The following LRRC9 variants were observed in gnomAD, a reference collection of about 807,000 sequenced individuals.
LRRC9 encodes the protein leucine rich repeat containing 9.
LRRC9 carries 122 observed loss-of-function variants against 63.2 expected under a neutral mutation model. That is an observed-to-expected ratio of 1.93 (90% CI 1.67 to 2.24). LRRC9 has a LOEUF of 2.24. Ranked by LOEUF, LRRC9 falls within the 30% of genes most tolerant of loss-of-function variation. LRRC9 has a pLI of 0.00. For missense variants in LRRC9, 1,071 were observed against 627.7 expected, an observed-to-expected ratio of 1.71 and a Z score of -7.55; for synonymous variants, 366 against 213.1, an observed-to-expected ratio of 1.72 and a Z score of -6.25.
chr14:60,001,050 T>C (rs764691912), intron 19 of LRRC9, among the ~76,000 whole-genome samples: 9 of 152,094 alleles, frequency 5.9e-5, no homozygotes, highest in Non-Finnish European at 8.8e-5. Context: ...TTTTTGCCAG[T>C]TTTATAGATG....
intron 29 of LRRC9, among the ~76,000 whole-genome samples, chr14:60,050,169 G>T (rs934675356): frequency 1.3e-5 from 2 of 151,910 alleles, no homozygotes; most frequent in Non-Finnish European, 2.9e-5. Flanking sequence ...GCTAATTTTT[G>T]TATTTTTAGT....
chr14:60,047,830 C>A (rs1031845423), intron 29 of LRRC9, among the ~76,000 whole-genome samples: 1 of 152,152 alleles, frequency 6.6e-6, no homozygotes, highest in Non-Finnish European at 1.5e-5. Flanking sequence ...TACCCCCCAG[C>A]AACAAAATAT....
rs1889665548 is a variant in LRRC9 at position 60,004,663 on chromosome 14, ATAC to A, written c.2842+871_2842+873del. Among the ~76,000 whole-genome samples, 3 of 152,094 alleles carry A rather than the reference ATAC, an allele frequency of 2.0e-5. No individual in the cohort carries two copies. Among genetic ancestry groups the A allele is most frequent in the Admixed American group, 2.0e-4 (3 of 15,254 alleles). On this transcript the variant is annotated intron_variant, in intron 21 of 31. Transcript: ENST00000445360. The surrounding 1 kb of genome is among the most constrained non-coding windows in gnomAD (Gnocchi z 4.8). ...GTTTAGAGAACATGTCCTAGAATAT[ATAC>A]TACTAAGTCAAGTATTTTCTGACTC...
chr14:59,994,660 AC>A (rs2140168705), intron 17 of LRRC9, among the ~76,000 whole-genome samples: 1 of 152,312 alleles, frequency 6.6e-6, no homozygotes, highest in East Asian at 1.9e-4. Context: ...GCAAATATAC[AC>A]CATGGAATAC....
At chr14:59,997,419 T>A (rs145818428) in intron 17 of LRRC9, among the ~76,000 whole-genome samples, 101 of 152,186 alleles carry the variant, frequency 6.6e-4, no homozygotes, top group Non-Finnish European at 1.3e-3. Context: ...AAACAGACAT[T>A]GCCACTCGGT....
At position 59,942,425 on chromosome 14, in the gene LRRC9, T is replaced by C. The variant is rs1211026154; in HGVS notation, c.727-2164T>C. On this transcript the variant is annotated intron_variant, in intron 7 of 31. Coordinates refer to ENST00000445360, the Ensembl canonical transcript of LRRC9. This position sits in a 1 kb window ranked among gnomAD's most constrained non-coding sequence, Gnocchi z 5.3. The stretch of plus-strand genomic sequence containing the variant: ...ATTTTTTGAGAAAACGCCATCCTGT[T>C]TTTCATAGTGGCTGTACTAATTTAC... Among the ~76,000 whole-genome samples, 1 of 152,198 alleles carries C rather than the reference T, an allele frequency of 6.6e-6. No homozygotes were observed. The highest frequency in any genetic ancestry group is 3.2e-3 in the Middle Eastern group (1 of 316).
At chr14:59,970,788 TG>T (rs964365405) in intron 12 of LRRC9, among the ~76,000 whole-genome samples, 1 of 152,174 alleles carries the variant, frequency 6.6e-6, no homozygotes, top group African/African-American at 2.4e-5. Flanking sequence ...GATTTTTTTT[TG>T]TAAATGTGTT....
At position 59,966,936 on chromosome 14, in the gene LRRC9, G is replaced by T. The variant is rs1251416602; in HGVS notation, c.1389-160G>T. Among the ~76,000 whole-genome samples, 1 of 152,108 alleles carries T rather than the reference G, an allele frequency of 6.6e-6. No individual in the cohort carries two copies. Among genetic ancestry groups the T allele is most frequent in the East Asian group, 1.9e-4 (1 of 5,202 alleles). ...TGACCTCATAATTTATCCACATTGA[G>T]CCTGTTTTTGAGGTTGAAGGCAGGG... On this transcript the variant is annotated intron_variant, in intron 11 of 31. Coordinates refer to ENST00000445360, the Ensembl canonical transcript of LRRC9. This position sits in a 1 kb window ranked among gnomAD's most constrained non-coding sequence, Gnocchi z 4.0.
rs1890112666 is a variant in LRRC9, at chr14:59,936,065, G to A, written c.544-2325G>A. On this transcript the variant is annotated intron_variant, in intron 6 of 31. Transcript: ENST00000445360. The surrounding 1 kb of genome is among the most constrained non-coding windows in gnomAD (Gnocchi z 4.2). ...GAGGCAGCATAATACGGTGGAACAT[G>A]AAGTTTTGGTGAAATAACAATGTAA... Among the ~76,000 whole-genome samples, 1 of 152,156 alleles carries A rather than the reference G, an allele frequency of 6.6e-6. No homozygotes were observed. Among genetic ancestry groups the A allele is most frequent in the Admixed American group, 6.5e-5 (1 of 15,272 alleles).
chr14:60,063,055 C>T (rs1016197198), intron 31 of LRRC9, among the ~76,000 whole-genome samples: 1 of 152,032 alleles, frequency 6.6e-6, no homozygotes, highest in Non-Finnish European at 1.5e-5. Context: ...CCACCATGCC[C>T]GGCCAATTTT....
chr14:60,006,158 TAAG>T (rs373669240), intron 21 of LRRC9, among the ~76,000 whole-genome samples: 12 of 152,122 alleles, frequency 7.9e-5, no homozygotes, highest in African/African-American at 2.9e-4. Context: ...CCTTAACTCC[TAAG>T]AAGAAGGAAT....
At chr14:60,047,371 G>A (rs1893522588) in intron 29 of LRRC9, among the ~76,000 whole-genome samples, 1 of 151,962 alleles carries the variant, frequency 6.6e-6, no homozygotes, top group South Asian at 2.1e-4. Flanking sequence ...CAAGGGAAAT[G>A]CTTGAAAGAC....
In LRRC9 at chr14:59,962,591, C is replaced by T. The variant is rs1054967452; in HGVS notation, c.1211+1546C>T. On this transcript the variant is annotated intron_variant, in intron 10 of 31. Coordinates refer to ENST00000445360, the Ensembl canonical transcript of LRRC9. The surrounding 1 kb of genome is among the most constrained non-coding windows in gnomAD (Gnocchi z 5.1). The stretch of plus-strand genomic sequence containing the variant: ...CTAATTTTTGTATTTTTAGTGGAGA[C>T]GGGGTTTTGCCATGTTGGCCAGGCT... Among the ~76,000 whole-genome samples, 27 of 151,912 alleles carry T rather than the reference C, an allele frequency of 1.8e-4. No homozygotes were observed. The highest frequency in any genetic ancestry group is 1.2e-3 in the Admixed American group (18 of 15,248).
In LRRC9 at chr14:59,964,998, G is replaced by A. The variant is rs2139991356; in HGVS notation, c.1212-1591G>A. ...AGGCTCAAGGAGAGACTACCCATCA[G>A]GAAGCTCACCTCTGTGACCTTAGCT... On this transcript the variant is annotated intron_variant, in intron 10 of 31. Transcript: ENST00000445360. The surrounding 1 kb of genome is among the most constrained non-coding windows in gnomAD (Gnocchi z 4.4). 6.6e-6 allele frequency among the ~76,000 whole-genome samples: 1 copy of A among 152,280 alleles called. No homozygotes were observed. Among genetic ancestry groups the A allele is most frequent in the East Asian group, 1.9e-4 (1 of 5,174 alleles).
chr14:60,038,083 T>C (rs1387848727), intron 29 of LRRC9, among the ~76,000 whole-genome samples: 1 of 152,136 alleles, frequency 6.6e-6, no homozygotes, highest in Non-Finnish European at 1.5e-5. Flanking sequence ...TGTAGATGTG[T>C]GGTATTGTTT....
chr14:59,944,842 T>C lies in LRRC9; in HGVS notation c.882+98T>C, dbSNP rs536537677. 316 of 516,286 alleles carry C rather than the reference T, an allele frequency of 6.1e-4. 1 individual carries two copies. Among genetic ancestry groups the C allele is most frequent in the South Asian group, 5.6e-3 (184 of 32,594 alleles). 32.0% of individuals were successfully genotyped at this position (516,286 alleles called of 1,614,324 possible). On this transcript the variant is annotated intron_variant, in intron 8 of 31. Transcript: ENST00000445360. ...CTTTTAAATTATGTATATACACACATATATAATACACACACACACACACTC... is the reference window on the plus strand; with the variant it reads ...CTTTTAAATTATGTATATACACACACATATAATACACACACACACACACTC...
chr14:60,021,464 T>G (rs1891111774), intron 26 of LRRC9, among the ~76,000 whole-genome samples: 1 of 151,920 alleles, frequency 6.6e-6, no homozygotes, highest in Admixed American at 6.6e-5. Flanking sequence ...TCTTAAATGA[T>G]GTCTTTGAAG....
rs75539986 is a variant in LRRC9, at chr14:60,028,424, G to A, written c.3921+323G>A. ...TTGGTCCAAGTTGTTTCTGAATCTC[G>A]ATTCCGGACTTCCTTTGGCCCCTTA... On this transcript the variant is annotated intron_variant, in intron 28 of 31. Transcript: ENST00000445360. 3.4e-3 allele frequency among the ~76,000 whole-genome samples: 521 copies of A among 152,088 alleles called. 18 individuals are homozygous for A. The East Asian group carries it at 0.058, about 17-fold the overall frequency.
intron 10 of LRRC9, among the ~76,000 whole-genome samples, chr14:59,965,339 T>G (rs569109317): frequency 6.6e-6 from 1 of 152,336 alleles, no homozygotes; most frequent in South Asian, 2.1e-4. Flanking sequence ...GTAGGTCCCC[T>G]TTGCATTCCT....
Sources: allele counts gnomAD v4.1 joint callset (sites outside exome capture counted in the v4.1 genomes callset), GRCh38; gene constraint gnomAD v4.1.1; non-coding constraint Gnocchi (gnomAD v3.1); transcripts MANE v1.5; gene names NCBI Gene and HGNC (gene_info 2026-07-23, HGNC 2026-07-21).